WDR93: variants seen among roughly 807,000 people sequenced by gnomAD.
The protein encoded by WDR93 is WD repeat domain 93.
A neutral mutation model predicts 82.9 loss-of-function variants in WDR93; 73 were observed. The ratio of observed to expected loss-of-function variants is 0.88; its 90% confidence interval spans 0.73 to 1.07. The LOEUF (loss-of-function observed/expected upper bound fraction) is 1.07. WDR93 is among the 50% of genes least tolerant of loss of function. WDR93 has a pLI of 0.00. For missense variants in WDR93, 738 were observed against 826.0 expected, an observed-to-expected ratio of 0.89 and a Z score of 1.31; for synonymous variants, 283 against 300.1, an observed-to-expected ratio of 0.94 and a Z score of 0.59.
chr15:89,733,036 A>G lies in WDR93; in HGVS notation c.1361A>G (p.Gln454Arg). The G allele has an allele frequency of 6.2e-7, 1 of 1,614,096 alleles. No individual in the cohort carries two copies. The highest frequency in any genetic ancestry group is 8.5e-7 in the Non-Finnish European group (1 of 1,180,012). ...CCTCTTGGGGTCGCTGCTCTTCCTC[A>G]GGGATGTTTCTGCCAAAGCATTCAC... ...GFPLGVAALP[Q>R]GCFCQSIHFL... Residue 454 changes from glutamine to arginine, a missense_variant, in exon 13 of 17, where the codon CAG (glutamine) becomes CGG (arginine). Transcript: ENST00000268130.
intron 13 of WDR93, among the ~76,000 whole-genome samples, chr15:89,735,133 A>G (rs758378188): frequency 2.0e-5 from 3 of 152,086 alleles, no homozygotes; most frequent in Non-Finnish European, 2.9e-5. Flanking sequence ...TGGGCCCCCA[A>G]AGTGCTGGGA....
At chr15:89,714,852 CA>C in intron 5 of WDR93, 127 bp from the exon 6 acceptor site, 1 of 686,872 alleles carries the variant, frequency 1.5e-6, no homozygotes, top group Non-Finnish European at 2.5e-6. Flanking sequence ...TTCAGTATGT[CA>C]AAGTTGCCTG....
At chr15:89,729,230 T>C in intron 10 of WDR93, 137 bp downstream of exon 10, 1 of 797,104 alleles carries the variant, frequency 1.3e-6, no homozygotes, top group Non-Finnish European at 2.1e-6. Context: ...GGTTGCCAGC[T>C]GTAGCCTGTC....
chr15:89,729,191 A>G lies in WDR93; in HGVS notation c.1123+98A>G, dbSNP rs1238955787. On this transcript the variant is annotated intron_variant, in intron 10 of 16. Coordinates refer to ENST00000268130, the MANE Select transcript of WDR93 (RefSeq NM_020212.2). The stretch of plus-strand genomic sequence containing the variant: ...AGAGATGTTCCCCAACAAACCTCGC[A>G]TGGTAGGAGGGAATGAAGAGGGGAG... 5 of 1,155,348 alleles carry G rather than the reference A, an allele frequency of 4.3e-6. No homozygotes were observed. The East Asian group carries it at 7.0e-5, about 16-fold the overall frequency. 71.6% of individuals were successfully genotyped at this position (1,155,348 alleles called of 1,614,324 possible). A position where few individuals can be genotyped will look rare whatever the true frequency, so the allele number is the denominator to read the frequency against.
intron 16 of WDR93, among the ~76,000 whole-genome samples, chr15:89,739,227 G>A (rs555314499): frequency 3.7e-4 from 57 of 152,072 alleles, no homozygotes; most frequent in Non-Finnish European, 7.2e-4. Flanking sequence ...TTGTAAATAA[G>A]GTTTTATTTG....
chr15:89,737,941 C>G, intron 15 of WDR93, 100 bp from the exon 16 acceptor site: 1 of 1,399,526 alleles, frequency 7.1e-7, no homozygotes, highest in Non-Finnish European at 9.7e-7. Flanking sequence ...ATGACCCAGC[C>G]TTTATAAGCA....
In WDR93 at chr15:89,690,965, C is replaced by T. The variant is rs1964842051; in HGVS notation, c.-41+108C>T. 1.9e-5 allele frequency: 4 copies of T among 216,178 alleles called. No homozygotes were observed. In the Admixed American group the frequency reaches 2.2e-4, roughly 12 times the overall value. The allele number at this position is 216,178 out of a possible 1,614,324, so 13.4% of individuals were successfully genotyped here. ...GGAAAGTCTGAGGGGGTCCGTCTCC[C>T]CAGACTCGGGCGTTTCCGGATGCCT... On this transcript the variant is annotated intron_variant, in intron 1 of 16. Transcript: ENST00000268130.
chr15:89,740,662 C>T (rs1286133284), intron 16 of WDR93, among the ~76,000 whole-genome samples: 3 of 151,804 alleles, frequency 2.0e-5, no homozygotes, highest in Admixed American at 1.3e-4. Context: ...CCACCACGCC[C>T]GGCTAATTTT....
chr15:89,724,027 G>A (rs901126704), intron 8 of WDR93, among the ~76,000 whole-genome samples: 4 of 152,094 alleles, frequency 2.6e-5, no homozygotes, highest in African/African-American at 7.2e-5. Flanking sequence ...GCGAAACCCC[G>A]TCTGTACTAG....
chr15:89,726,681 T>C (rs1285180578), intron 8 of WDR93, among the ~76,000 whole-genome samples: 1 of 152,142 alleles, frequency 6.6e-6, no homozygotes, highest in African/African-American at 2.4e-5. Context: ...AAAGATTTTT[T>C]TAAAGGAAGG....
rs2141599873 is a variant in WDR93 at position 89,702,856 on chromosome 15, T to G, written c.304-94T>G. On this transcript the variant is annotated intron_variant, in intron 2 of 16. Transcript: ENST00000268130. ...GTCCAGCCAGGAAATGTTATTATTA[T>G]CTAGGAAGGGCCCCTGAATGTCTCT... 7 of 1,337,390 alleles carry G rather than the reference T, an allele frequency of 5.2e-6. No individual in the cohort carries two copies. The Middle Eastern group carries it at 7.8e-4, about 149-fold the overall frequency. The allele number at this position is 1,337,390 out of a possible 1,614,324, so 82.8% of individuals were successfully genotyped here. A position where few individuals can be genotyped will look rare whatever the true frequency, so the allele number is the denominator to read the frequency against.
At chr15:89,711,965 C>T in intron 4 of WDR93, 61 bp from the exon 5 acceptor site, 1 of 1,404,326 alleles carries the variant, frequency 7.1e-7, no homozygotes, top group Non-Finnish European at 1.0e-6. Context: ...ACAGAAGGTC[C>T]TGAAATACAT....
intron 9 of WDR93, among the ~76,000 whole-genome samples, chr15:89,728,449 T>C (rs1376994366): frequency 6.6e-6 from 1 of 152,230 alleles, no homozygotes; most frequent in Non-Finnish European, 1.5e-5. Flanking sequence ...GGCTAATCCC[T>C]GACAACAGCT....
intron 5 of WDR93, among the ~76,000 whole-genome samples, chr15:89,713,124 TA>T (rs77944900): frequency 0.067 from 6,501 of 97,716 alleles, 530 homozygotes; most frequent in African/African-American, 0.22. Context: ...AACTCCATCT[TA>T]AAAAAAAAAA....
chr15:89,698,938 A>G (rs906727971), intron 1 of WDR93, among the ~76,000 whole-genome samples: 3 of 152,130 alleles, frequency 2.0e-5, no homozygotes, highest in Admixed American at 2.0e-4. Context: ...CCCAGGCTGG[A>G]GTGCAGTGAC....
At chr15:89,698,040 C>A (rs981663231) in intron 1 of WDR93, among the ~76,000 whole-genome samples, 3 of 151,608 alleles carry the variant, frequency 2.0e-5, no homozygotes, top group Admixed American at 1.3e-4. Flanking sequence ...CCACCACGCC[C>A]GGCTGATTTT....
chr15:89,737,902 C>A, intron 15 of WDR93, 139 bp from the exon 16 acceptor site: 1 of 1,314,676 alleles, frequency 7.6e-7, no homozygotes, highest in Non-Finnish European at 1.0e-6. Flanking sequence ...CCAGCAGGGT[C>A]TTCTCTCTGA....
chr15:89,733,371 A>G, intron 13 of WDR93, 152 bp downstream of exon 13: 1 of 710,306 alleles, frequency 1.4e-6, no homozygotes, highest in Non-Finnish European at 2.3e-6. Context: ...CCAATGTCAC[A>G]TATATGTTAC....
At position 89,701,771 on chromosome 15, in the gene WDR93, A is replaced by AC; in HGVS notation, c.28dup (p.Gln10ProfsTer26). 6.2e-7 allele frequency: 1 copy of AC among 1,612,470 alleles called. No homozygotes were observed. Among genetic ancestry groups the AC allele is most frequent in the East Asian group, 2.2e-5 (1 of 44,818 alleles). On this transcript the variant is annotated frameshift_variant, in exon 2 of 17. Coordinates refer to ENST00000268130, the MANE Select transcript of WDR93 (RefSeq NM_020212.2). LOFTEE classifies it high-confidence loss of function. ...GATGTCATTCCCAAGAGGAAGTCAG[A>AC]CCCAGAAAATAAAGCACCCCATTGG...
Sources: gnomAD v4.1 joint callset for allele counts (sites outside exome capture counted in the v4.1 genomes callset) on GRCh38, gnomAD v4.1.1 for gene constraint, MANE v1.5 for transcripts, NCBI Gene and HGNC (gene_info 2026-07-23, HGNC 2026-07-21) for gene names.